Variants in RBFOX3 observed in about 807,000 individuals in gnomAD.
RBFOX3 encodes RNA binding fox-1 homolog 3.
A neutral mutation model predicts 48.7 loss-of-function variants in RBFOX3; 17 were observed. The ratio of observed to expected loss-of-function variants is 0.35; its 90% confidence interval spans 0.24 to 0.52. RBFOX3 has a LOEUF of 0.52. Among genes scored for constraint, RBFOX3 ranks in the 20% least tolerant of loss-of-function variants. The pLI, the probability that RBFOX3 is intolerant of heterozygous loss-of-function variation, is 0.94. For synonymous variants in RBFOX3, 212 were observed against 209.5 expected, an observed-to-expected ratio of 1.01 and a Z score of -0.10; for missense variants, 382 against 497.5, an observed-to-expected ratio of 0.77 and a Z score of 2.21.
intron 3 of RBFOX3, among the ~76,000 whole-genome samples, chr17:79,271,432 G>A (rs4267357): frequency 0.62 from 94,973 of 152,006 alleles, 30,078 homozygotes; most frequent in East Asian, 0.8. Context: ...AGGCATGGGA[G>A]TCTTCTAAGC....
chr17:79,609,662 C>A (rs1252143830), intron 1 of RBFOX3, among the ~76,000 whole-genome samples: 2 of 151,470 alleles, frequency 1.3e-5, no homozygotes, highest in Non-Finnish European at 3.0e-5. Context: ...ATCCCACCCC[C>A]ACCCTACGTG....
At chr17:79,540,975 A>G (rs2089610916) in intron 1 of RBFOX3, among the ~76,000 whole-genome samples, 1 of 152,128 alleles carries the variant, frequency 6.6e-6, no homozygotes, top group South Asian at 2.1e-4. Context: ...TGCAGGCCCA[A>G]GTATCCTCCG....
At chr17:79,177,124 T>A (rs1187674162) in intron 4 of RBFOX3, among the ~76,000 whole-genome samples, 1 of 152,066 alleles carries the variant, frequency 6.6e-6, no homozygotes, top group Non-Finnish European at 1.5e-5. Flanking sequence ...AGGTGCCACA[T>A]GGGCCTAGCC....
the RBFOX3 span, among the ~76,000 whole-genome samples, chr17:79,621,679 G>A: frequency 2.0e-5 from 3 of 152,118 alleles, no homozygotes; most frequent in South Asian, 2.1e-4. Context: ...TGCGGGAGTC[G>A]TGCATGTCAC....
the RBFOX3 span, among the ~76,000 whole-genome samples, chr17:79,656,971 T>G: frequency 6.6e-6 from 1 of 151,708 alleles, no homozygotes; most frequent in African/African-American, 2.4e-5. Context: ...GATTTTGCTG[T>G]GGGTGGTAGT....
intron 4 of RBFOX3, among the ~76,000 whole-genome samples, chr17:79,122,764 C>T (rs1027296100): frequency 6.6e-6 from 1 of 152,116 alleles, no homozygotes. Context: ...CTGTTTATTG[C>T]AGCACTGTTT....
chr17:79,620,080 C>G, the RBFOX3 span, among the ~76,000 whole-genome samples: 1 of 147,572 alleles, frequency 6.8e-6, no homozygotes, highest in Non-Finnish European at 1.5e-5. Context: ...CACACATGCA[C>G]ACAAGCACAT....
chr17:79,372,525 C>G (rs1268662351), intron 2 of RBFOX3, among the ~76,000 whole-genome samples: 1 of 151,800 alleles, frequency 6.6e-6, no homozygotes, highest in East Asian at 1.9e-4. Context: ...AGGCCTGGCC[C>G]GGGCTCCCAC....
chr17:79,405,599 TA>T (rs1190061487), intron 2 of RBFOX3, among the ~76,000 whole-genome samples: 1 of 152,160 alleles, frequency 6.6e-6, no homozygotes, highest in Non-Finnish European at 1.5e-5. Context: ...CACGCCCCTG[TA>T]ATCCTAGCTA....
intron 3 of RBFOX3, among the ~76,000 whole-genome samples, chr17:79,301,554 T>C (rs917018993): frequency 2.6e-5 from 4 of 152,166 alleles, no homozygotes; most frequent in African/African-American, 9.7e-5. Context: ...TGCCTTTATG[T>C]GGGAGAAAGC....
At position 79,252,906 on chromosome 17, in the gene RBFOX3, A is replaced by G. The variant is rs1053533001; in HGVS notation, c.-73-17101T>C. On this transcript the variant is annotated intron_variant, in intron 3 of 14. Coordinates refer to ENST00000693108, the MANE Select transcript of RBFOX3 (RefSeq NM_001350451.2). The surrounding 1 kb of genome is among the most constrained non-coding windows in gnomAD (Gnocchi z 4.0). ...CTGCCAACCCCACCCTTCCCCCTCT[A>G]TCCCGCCCGGCAAGCCCCAGCCCCC... 2.0e-5 allele frequency among the ~76,000 whole-genome samples: 3 copies of G among 151,446 alleles called. No individual in the cohort carries two copies. The highest frequency in any genetic ancestry group is 1.9e-4 in the East Asian group (1 of 5,158).
At chr17:79,427,661 A>G (rs1484858321) in intron 2 of RBFOX3, among the ~76,000 whole-genome samples, 4 of 152,238 alleles carry the variant, frequency 2.6e-5, no homozygotes, top group African/African-American at 9.6e-5. Flanking sequence ...AGGCCCCCGA[A>G]GAAGGATCCT....
At chr17:79,170,343 T>C (rs747028400) in intron 4 of RBFOX3, among the ~76,000 whole-genome samples, 1 of 151,506 alleles carries the variant, frequency 6.6e-6, no homozygotes, top group African/African-American at 2.4e-5. Context: ...AGAGGGGAGA[T>C]AGAGGAAGGA....
chr17:79,530,286 C>T (rs2087525934), intron 1 of RBFOX3, among the ~76,000 whole-genome samples: 1 of 152,174 alleles, frequency 6.6e-6, no homozygotes, highest in South Asian at 2.1e-4. Flanking sequence ...ATTTTCAAAG[C>T]AGGGATGTTG....
Position 79,356,348 on chromosome 17 carries a change from G to GC in RBFOX3, c.-174-48525_-174-48524insG, listed in dbSNP as rs2084999414. ...ACTTTTTCACTTTTAAAACAGGGAAGTTTTTTTTTTTTTTTTTTTTTTTTT... is the reference window on the plus strand; with the variant it reads ...ACTTTTTCACTTTTAAAACAGGGAAGCTTTTTTTTTTTTTTTTTTTTTTTTT... On this transcript the variant is annotated intron_variant, in intron 2 of 14. Coordinates refer to ENST00000693108, the MANE Select transcript of RBFOX3 (RefSeq NM_001350451.2). Among the ~76,000 whole-genome samples, 2 of 47,270 alleles carry GC rather than the reference G, an allele frequency of 4.2e-5. 1 individual carries two copies. The highest frequency in any genetic ancestry group is 1.6e-4 in the African/African-American group (2 of 12,468). The allele number at this position is 47,270 out of a possible 152,430, so 31.0% of individuals were successfully genotyped here. A position where few individuals can be genotyped will look rare whatever the true frequency, so the allele number is the denominator to read the frequency against.
intron 1 of RBFOX3, among the ~76,000 whole-genome samples, chr17:79,518,110 T>C (rs1485797718): frequency 3.9e-5 from 6 of 152,164 alleles, no homozygotes; most frequent in African/African-American, 1.4e-4. Flanking sequence ...AAATAAATTA[T>C]CCTGTGAAGT....
chr17:79,586,745 C>T (rs1236064054), intron 1 of RBFOX3, among the ~76,000 whole-genome samples: 1 of 152,206 alleles, frequency 6.6e-6, no homozygotes, highest in Non-Finnish European at 1.5e-5. Context: ...GCATCCTCTC[C>T]CGGGTTTCTC....
In RBFOX3 at chr17:79,535,447, A is replaced by G. The variant is rs1294017630; in HGVS notation, c.-319-52849T>C. ...TACCTGTCCTCCGGAGAGTGTCACA[A>G]GGGGACAGCGGCCTCCAATCTCCCG... On this transcript the variant is annotated intron_variant, in intron 1 of 14. Transcript: ENST00000693108. The surrounding 1 kb of genome is among the most constrained non-coding windows in gnomAD (Gnocchi z 4.5). Among the ~76,000 whole-genome samples the G allele has an allele frequency of 2.0e-5, 3 of 152,098 alleles. No homozygotes were observed. The East Asian group carries it at 5.8e-4, about 29-fold the overall frequency.
At chr17:79,170,508 C>G (rs1167760304) in intron 4 of RBFOX3, among the ~76,000 whole-genome samples, 3 of 152,072 alleles carry the variant, frequency 2.0e-5, no homozygotes, top group Non-Finnish European at 2.9e-5. Flanking sequence ...TCAGTGCAGG[C>G]TCAAGCATCC....
Sources: allele counts gnomAD v4.1 joint callset (sites outside exome capture counted in the v4.1 genomes callset), GRCh38; gene constraint gnomAD v4.1.1; non-coding constraint Gnocchi (gnomAD v3.1); transcripts MANE v1.5; gene names NCBI Gene and HGNC (gene_info 2026-07-23, HGNC 2026-07-21).